Variants in TNS3 observed in about 807,000 individuals in gnomAD.
TNS3 encodes the protein tensin 3.
Under a neutral mutation model 140.9 loss-of-function variants are expected in TNS3, and 45 were observed. That is an observed-to-expected ratio of 0.32 (90% CI 0.25 to 0.41). The LOEUF is 0.41. TNS3 is among the 10% of genes least tolerant of loss of function. TNS3 has a pLI of 1.00. For synonymous variants in TNS3, 815 were observed against 788.4 expected (o/e 1.03, Z -0.56); for missense variants, 1,716 against 1,906.7 (o/e 0.90, Z 1.86).
At chr7:47,562,835 G>C (rs565666315) in intron 1 of TNS3, among the ~76,000 whole-genome samples, 30 of 152,326 alleles carry the variant, frequency 2.0e-4, no homozygotes, top group Admixed American at 7.8e-4. Context: ...TCTCTTGGCT[G>C]TGCATGGGAA....
At chr7:47,335,775 TTC>T (rs1021532286) in intron 20 of TNS3, among the ~76,000 whole-genome samples, 2 of 152,192 alleles carry the variant, frequency 1.3e-5, no homozygotes, top group African/African-American at 4.8e-5. Context: ...TGGTCCAATC[TTC>T]TCAAGAACCA....
rs117935787 is a variant in TNS3 at position 47,366,422 on chromosome 7, G to A, written c.2281+1943C>T. Among the ~76,000 whole-genome samples the A allele has an allele frequency of 5.4e-3, 822 of 152,330 alleles. 3 individuals carry two copies. The highest frequency in any genetic ancestry group is 6.2e-3 in the Non-Finnish European group (424 of 68,032). On this transcript the variant is annotated intron_variant, in intron 17 of 30. Coordinates refer to ENST00000311160, the MANE Select transcript of TNS3 (RefSeq NM_022748.12). The stretch of plus-strand genomic sequence containing the variant: ...GTCACACACCTAGTACATGAAAGGT[G>A]GATGTGAACGAGCGTTTCTTCACAC...
intron 21 of TNS3, among the ~76,000 whole-genome samples, chr7:47,304,606 G>C (rs1323107510): frequency 1.3e-5 from 2 of 151,942 alleles, no homozygotes; most frequent in African/African-American, 2.4e-5. Flanking sequence ...TGTATTTCCT[G>C]TATGTCCCTA....
At chr7:47,436,081 T>A (rs1298562449) in intron 7 of TNS3, among the ~76,000 whole-genome samples, 1 of 152,182 alleles carries the variant, frequency 6.6e-6, no homozygotes, top group African/African-American at 2.4e-5. Flanking sequence ...TATCTTATGA[T>A]GAAAGTCGTA....
intron 4 of TNS3, among the ~76,000 whole-genome samples, chr7:47,459,040 T>C (rs141937150): frequency 1.3e-5 from 2 of 152,238 alleles, no homozygotes; most frequent in Admixed American, 1.3e-4. Flanking sequence ...TGGTGCTTTA[T>C]GTCCATATCA....
intron 1 of TNS3, among the ~76,000 whole-genome samples, chr7:47,544,506 C>T (rs1799870397): frequency 6.6e-6 from 1 of 152,054 alleles, no homozygotes; most frequent in Non-Finnish European, 1.5e-5. Flanking sequence ...AAAGGGACCC[C>T]ACAAGACCCT....
intron 1 of TNS3, among the ~76,000 whole-genome samples, chr7:47,577,289 C>T (rs1160705983): frequency 6.6e-6 from 1 of 152,102 alleles, no homozygotes. Flanking sequence ...CTGCAAAGGG[C>T]GTATTAAGTG....
intron 17 of TNS3, among the ~76,000 whole-genome samples, chr7:47,361,221 A>C (rs934953442): frequency 1.3e-5 from 2 of 149,214 alleles, no homozygotes; most frequent in African/African-American, 4.9e-5. Flanking sequence ...AAAAAAAAAA[A>C]AAACAAGCAA....
intron 2 of TNS3, among the ~76,000 whole-genome samples, chr7:47,515,888 C>A (rs936945273): frequency 6.6e-6 from 1 of 152,202 alleles, no homozygotes; most frequent in African/African-American, 2.4e-5. Context: ...TGTATTTACC[C>A]TGCTATTCCT....
intron 4 of TNS3, among the ~76,000 whole-genome samples, chr7:47,457,945 A>T (rs1358407240): frequency 2.0e-5 from 3 of 152,198 alleles, no homozygotes; most frequent in Non-Finnish European, 4.4e-5. Flanking sequence ...GCAGCTCACA[A>T]GCAGAAGCTT....
At position 47,396,785 on chromosome 7, in the gene TNS3, G is replaced by T; in HGVS notation, c.1024+15C>A. 6.2e-7 allele frequency: 1 copy of T among 1,602,560 alleles called. No homozygotes were observed. Among genetic ancestry groups the T allele is most frequent in the Non-Finnish European group, 8.6e-7 (1 of 1,169,476 alleles). On this transcript the variant is annotated intron_variant, in intron 16 of 30. Transcript: ENST00000311160. ...CCTTTGCCTCCATAACTGCACACAA[G>T]ATGAACACACGCACCTTCTCCATCT...
At chr7:47,537,552 G>A (rs995314612) in intron 1 of TNS3, among the ~76,000 whole-genome samples, 1 of 152,086 alleles carries the variant, frequency 6.6e-6, no homozygotes, top group Non-Finnish European at 1.5e-5. Flanking sequence ...TTACCGACGC[G>A]CCGCGCTTGG....
chr7:47,516,155 A>G (rs1798771927), intron 2 of TNS3, among the ~76,000 whole-genome samples: 1 of 152,264 alleles, frequency 6.6e-6, no homozygotes, highest in Non-Finnish European at 1.5e-5. Flanking sequence ...TTATTAGTAG[A>G]GAACACTATG....
rs759779839 is a variant in TNS3, at chr7:47,368,576, C to T, written c.2070G>A (p.Ser690=). 4 of 1,567,332 alleles carry T rather than the reference C, an allele frequency of 2.6e-6. No homozygotes were observed. The highest frequency in any genetic ancestry group is 2.6e-6 in the Non-Finnish European group (3 of 1,153,302). ...PELSTGPSPG[S]PTLDIDQSIE... ...TGGACTGGTCGATGTCCAGGGTGGG[C>T]GAGCCTGGGGAGGGGCCTGTGCTCA... Residue 690 remains serine (S), a synonymous_variant, in exon 17 of 31, where the codon TCG becomes TCA. Transcript: ENST00000311160.
intron 16 of TNS3, among the ~76,000 whole-genome samples, chr7:47,394,590 G>A (rs1396454223): frequency 6.6e-6 from 1 of 152,228 alleles, no homozygotes; most frequent in African/African-American, 2.4e-5. Context: ...ACACTGCGGT[G>A]GCTGAGAGTC....
At chr7:47,370,704 T>C (rs2151161172) in intron 16 of TNS3, among the ~76,000 whole-genome samples, 2 of 152,316 alleles carry the variant, frequency 1.3e-5, no homozygotes, top group East Asian at 3.9e-4. Flanking sequence ...CCGCACTTTC[T>C]TCTACTTCCT....
chr7:47,472,384 T>C (rs1796991676), intron 4 of TNS3, among the ~76,000 whole-genome samples: 1 of 152,180 alleles, frequency 6.6e-6, no homozygotes, highest in Non-Finnish European at 1.5e-5. Flanking sequence ...AGCACGTCGT[T>C]TCCTTACCTG....
chr7:47,524,808 C>CAAAAAAA (rs1354544006), intron 2 of TNS3, among the ~76,000 whole-genome samples: 2,805 of 25,242 alleles, frequency 0.11, 962 homozygotes, highest in East Asian at 0.38. Context: ...GACTCCGTCT[C>CAAAAAAA]AAGAAAAAAA....
intron 1 of TNS3, among the ~76,000 whole-genome samples, chr7:47,530,594 C>T (rs1365611428): frequency 1.3e-5 from 2 of 151,508 alleles, no homozygotes; most frequent in South Asian, 2.1e-4. Flanking sequence ...GAGGCAGAGG[C>T]GGGTGGATCA....
Sources: allele counts gnomAD v4.1 joint callset (sites outside exome capture counted in the v4.1 genomes callset), GRCh38; gene constraint gnomAD v4.1.1; transcripts MANE v1.5; gene names NCBI Gene and HGNC (gene_info 2026-07-23, HGNC 2026-07-21).